BCAR1: variants seen among roughly 807,000 people sequenced by gnomAD.
BCAR1 encodes breast cancer anti-estrogen resistance protein 1.
Under a neutral mutation model 67.6 loss-of-function variants are expected in BCAR1, and 30 were observed. That is an observed-to-expected ratio of 0.44 (90% CI 0.33 to 0.60). BCAR1 has a LOEUF of 0.60. Among genes scored for constraint, BCAR1 ranks in the 20% least tolerant of loss-of-function variants. The pLI is 0.02. For synonymous variants in BCAR1, 626 were observed against 556.7 expected, an observed-to-expected ratio of 1.12 and a Z score of -1.75; for missense variants, 1,313 against 1,222.3, an observed-to-expected ratio of 1.07 and a Z score of -1.11.
rs2077681637 is a variant in BCAR1, at chr16:75,251,588, C to T, written c.-106G>A. The T allele has an allele frequency of 1.8e-5, 19 of 1,047,358 alleles. No homozygotes were observed. The highest frequency in any genetic ancestry group is 2.2e-5 in the Non-Finnish European group (19 of 872,262). The allele number at this position is 1,047,358 out of a possible 1,614,324, so 64.9% of individuals were successfully genotyped here. ...GCGCGCCGCAGCCGCCCCGGTGCCG[C>T]CGCGCAGCTGCCGCCTCGGCCACCC... On this transcript the variant is annotated 5_prime_UTR_variant, in exon 1 of 7. Transcript: ENST00000162330.
At chr16:75,240,129 G>C (rs2077287972) in intron 2 of BCAR1, among the ~76,000 whole-genome samples, 1 of 152,142 alleles carries the variant, frequency 6.6e-6, no homozygotes, top group South Asian at 2.1e-4. Flanking sequence ...CCTGCTCCAG[G>C]GCCCAGGGTT....
At chr16:75,252,178 C>T, upstream of BCAR1, 1 of 1,535,584 alleles carries the variant, frequency 6.5e-7, no homozygotes, top group Non-Finnish European at 8.7e-7. Context: ...GAAATGAAGC[C>T]TCAAGCAGGG....
intron 2 of BCAR1, among the ~76,000 whole-genome samples, chr16:75,241,341 G>C (rs1309200073): frequency 6.6e-6 from 1 of 152,158 alleles, no homozygotes; most frequent in Non-Finnish European, 1.5e-5. Context: ...GTGTGCATGG[G>C]TGTTCGTATC....
intron 1 of BCAR1, chr16:75,248,269 C>A: frequency 6.9e-7 from 1 of 1,456,454 alleles, no homozygotes; most frequent in Non-Finnish European, 9.0e-7. Context: ...GCCCCCAACG[C>A]ACACATGCAC....
At chr16:75,233,970 G>C in intron 5 of BCAR1, 35 bp from the exon 6 acceptor site, 1 of 1,562,344 alleles carries the variant, frequency 6.4e-7, no homozygotes. Context: ...GCTGAGGCCA[G>C]TTTTCTGAGC....
At chr16:75,234,160 GAC>G (rs1296996116) in intron 5 of BCAR1, among the ~76,000 whole-genome samples, 1 of 87,868 alleles carries the variant, frequency 1.1e-5, no homozygotes, top group Admixed American at 1.5e-4. Context: ...GGGGCAGGCA[GAC>G]AGACACACAC....
At chr16:75,241,990 G>A (rs1567605460) in intron 2 of BCAR1, among the ~76,000 whole-genome samples, 7 of 152,132 alleles carry the variant, frequency 4.6e-5, no homozygotes, top group Admixed American at 3.3e-4. Flanking sequence ...ATACGCACCC[G>A]CTGGCCCCTA....
chr16:75,248,391 G>C, intron 1 of BCAR1: 3 of 1,211,530 alleles, frequency 2.5e-6, no homozygotes, highest in South Asian at 1.8e-5. Flanking sequence ...CATTCTATTT[G>C]CTTGTCCCAA....
At chr16:75,244,368 G>A (rs2077452153) in intron 1 of BCAR1, among the ~76,000 whole-genome samples, 1 of 152,268 alleles carries the variant, frequency 6.6e-6, no homozygotes, top group African/African-American at 2.4e-5. Context: ...CCCTTGGGCA[G>A]AAACAGGAAG....
At chr16:75,234,557 G>A (rs2077031531) in intron 5 of BCAR1, among the ~76,000 whole-genome samples, 2 of 152,186 alleles carry the variant, frequency 1.3e-5, no homozygotes, top group Admixed American at 6.5e-5. Context: ...CCTGGGAGGA[G>A]CAGTCCCAGC....
At chr16:75,266,846 A>G in intron 1 of BCAR1, 2 of 1,236,024 alleles carry the variant, frequency 1.6e-6, no homozygotes, top group Non-Finnish European at 2.1e-6. Context: ...CCCAGGGAGG[A>G]AAGACGGAGC....
intron 1 of BCAR1, 138 bp from the exon 2 acceptor site, chr16:75,243,228 T>G (rs1017930698): frequency 1.4e-5 from 13 of 937,048 alleles, no homozygotes; most frequent in Non-Finnish European, 2.1e-5. Context: ...GCGAGATCAT[T>G]GTGCCTTTGC....
At chr16:75,251,389 G>A (rs1487394983) in intron 1 of BCAR1, 82 bp downstream of exon 1, 17 of 1,463,032 alleles carry the variant, frequency 1.2e-5, no homozygotes, top group Non-Finnish European at 1.5e-5. Context: ...AGGTCCGGCA[G>A]GAAATGCCGC....
intron 1 of BCAR1, among the ~76,000 whole-genome samples, chr16:75,245,721 GC>G (rs2077493838): frequency 6.6e-6 from 1 of 152,162 alleles, no homozygotes; most frequent in Non-Finnish European, 1.5e-5. Flanking sequence ...CAGCTGGTGT[GC>G]CCCCGCCCAG....
rs1041011595 is a variant in BCAR1 at position 75,248,329 on chromosome 16, C to T, written c.12+3142G>A. 3 of 1,358,998 alleles carry T rather than the reference C, an allele frequency of 2.2e-6. No homozygotes were observed. The African/African-American group carries it at 4.4e-5, about 20-fold the overall frequency. The allele number at this position is 1,358,998 out of a possible 1,614,324, so 84.2% of individuals were successfully genotyped here. ...ATAGCAGGCACTTGGGAAACACTGA[C>T]TTCTTTCATACCCAGAACCATCACA... On this transcript the variant is annotated intron_variant, in intron 1 of 6. Transcript: ENST00000162330.
chr16:75,257,796 G>C (rs2077814629), intron 1 of BCAR1, among the ~76,000 whole-genome samples: 1 of 152,180 alleles, frequency 6.6e-6, no homozygotes. Context: ...ACAGCATCGT[G>C]GGGCTAGGCT....
chr16:75,242,451 T>C lies in BCAR1; in HGVS notation c.633+19A>G. The C allele has an allele frequency of 7.0e-7, 1 of 1,425,940 alleles. No homozygotes were observed. Among genetic ancestry groups the C allele is most frequent in the Non-Finnish European group, 9.2e-7 (1 of 1,089,412 alleles). The allele number at this position is 1,425,940 out of a possible 1,614,324, so 88.3% of individuals were successfully genotyped here. ...GGCTATACCTGTGTGGCTGCACAACTGTGCCAGGACAGCCTTACCTTTGCC... is the reference window on the plus strand; with the variant it reads ...GGCTATACCTGTGTGGCTGCACAACCGTGCCAGGACAGCCTTACCTTTGCC... On this transcript the variant is annotated intron_variant, in intron 2 of 6. Coordinates refer to ENST00000162330, the MANE Select transcript of BCAR1 (RefSeq NM_014567.5).
At position 75,264,552 on chromosome 16, in the gene BCAR1, C is replaced by T. The variant is rs534185428; in HGVS notation, c.66+3363G>A. Reference sequence around the variant, plus strand: ...GAGACGATTATGCTCTGAACCAGAACGGATGGCGGGGCTCACATCAGCACA... The same window carrying T: ...GAGACGATTATGCTCTGAACCAGAATGGATGGCGGGGCTCACATCAGCACA... On this transcript the variant is annotated intron_variant, in intron 1 of 6. Coordinates refer to the BCAR1 transcript ENST00000393422. The T allele has an allele frequency of 8.8e-5, 120 of 1,370,022 alleles. No individual in the cohort carries two copies. The African/African-American group carries it at 1.6e-3, about 18-fold the overall frequency. The allele number at this position is 1,370,022 out of a possible 1,614,324, so 84.9% of individuals were successfully genotyped here. A position where few individuals can be genotyped will look rare whatever the true frequency, so the allele number is the denominator to read the frequency against.
chr16:75,248,253 G>A, intron 1 of BCAR1: 4 of 1,485,538 alleles, frequency 2.7e-6, no homozygotes, highest in Non-Finnish European at 3.6e-6. Context: ...CACCCCTCCT[G>A]TCCACGCCCC....
Sources: gnomAD v4.1 joint callset for allele counts (sites outside exome capture counted in the v4.1 genomes callset) on GRCh38, gnomAD v4.1.1 for gene constraint, MANE v1.5 for transcripts, NCBI Gene and HGNC (gene_info 2026-07-23, HGNC 2026-07-21) for gene names.